The following KLRK1 variants were observed in gnomAD, a reference collection of about 807,000 sequenced individuals.
The protein encoded by KLRK1 is killer cell lectin like receptor K1.
A neutral mutation model predicts 31.3 loss-of-function variants in KLRK1; 40 were observed. The ratio of observed to expected loss-of-function variants is 1.28; its 90% CI spans 0.99 to 1.67. The LOEUF is 1.67. KLRK1 is among the 40% of genes most tolerant of loss of function. The pLI is 0.00. For missense variants in KLRK1, 251 were observed against 260.0 expected, an observed-to-expected ratio of 0.97 and a Z score of 0.24; for synonymous variants, 77 against 77.3, an observed-to-expected ratio of 1.00 and a Z score of 0.02.
chr12:10,387,236 C>T (rs1863183132), intron 2 of KLRK1, among the ~76,000 whole-genome samples: 1 of 152,098 alleles, frequency 6.6e-6, no homozygotes, highest in Admixed American at 6.6e-5. Context: ...TTAGCAAAAT[C>T]CTATATACTA....
At chr12:10,378,831 T>A in intron 5 of KLRK1, 126 bp from the exon 6 acceptor site, 1 of 1,150,922 alleles carries the variant, frequency 8.7e-7, no homozygotes, top group Non-Finnish European at 1.2e-6. Flanking sequence ...ATTACAGTCA[T>A]AACCAAAGGC....
chr12:10,375,219 A>G (rs1461834211), intron 7 of KLRK1, among the ~76,000 whole-genome samples: 1 of 152,222 alleles, frequency 6.6e-6, no homozygotes, highest in Non-Finnish European at 1.5e-5. Context: ...TGCATTGATC[A>G]TTGCCAATTA....
intron 3 of KLRK1, among the ~76,000 whole-genome samples, chr12:10,384,703 A>T (rs1414729560): frequency 6.6e-6 from 1 of 152,100 alleles, no homozygotes; most frequent in Non-Finnish European, 1.5e-5. Context: ...TTTTATGGGT[A>T]AGAATTCAAA....
chr12:10,380,905 A>G (rs1229656608), intron 3 of KLRK1, among the ~76,000 whole-genome samples: 1 of 152,096 alleles, frequency 6.6e-6, no homozygotes, highest in Non-Finnish European at 1.5e-5. Flanking sequence ...GGGGCCTAAT[A>G]GTTCCTTTAT....
intron 7 of KLRK1, among the ~76,000 whole-genome samples, chr12:10,373,617 T>A (rs1032864687): frequency 1.3e-5 from 2 of 152,254 alleles, no homozygotes; most frequent in Non-Finnish European, 2.9e-5. Context: ...TTCAGATATA[T>A]GCAATTTTAC....
intron 3 of KLRK1, among the ~76,000 whole-genome samples, chr12:10,383,465 T>A (rs2137815359): frequency 6.6e-6 from 1 of 152,156 alleles, no homozygotes; most frequent in Non-Finnish European, 1.5e-5. Flanking sequence ...TTTATAAGTA[T>A]ACATATGCAC....
chr12:10,386,703 A>G (rs1863172688), intron 3 of KLRK1, among the ~76,000 whole-genome samples, 200 bp downstream of exon 3: 1 of 151,804 alleles, frequency 6.6e-6, no homozygotes, highest in Non-Finnish European at 1.5e-5. Context: ...ATCATTTTTT[A>G]GGGCGTGACA....
At position 10,383,167 on chromosome 12, in the gene KLRK1, T is replaced by C. The variant is rs527387317; in HGVS notation, c.149-3375A>G. 1.7e-4 allele frequency among the ~76,000 whole-genome samples: 26 copies of C among 152,106 alleles called. 1 individual carries two copies. Among genetic ancestry groups the C allele is most frequent in the Middle Eastern group, 3.4e-3 (1 of 294 alleles). On this transcript the variant is annotated intron_variant, in intron 3 of 7. Transcript: ENST00000240618. ...CTTACATACCAATAATAATATTAAATGCAAGGGGGCTAAATTCTCCAAGTA... is the reference window on the plus strand; with the variant it reads ...CTTACATACCAATAATAATATTAAACGCAAGGGGGCTAAATTCTCCAAGTA...
At chr12:10,379,925 C>T (rs1863039257) in intron 3 of KLRK1, 133 bp from the exon 4 acceptor site, 2 of 727,486 alleles carry the variant, frequency 2.7e-6, no homozygotes, top group Non-Finnish European at 4.1e-6. Context: ...ATAATTTTTT[C>T]CAGAACAGAA....
intron 3 of KLRK1, among the ~76,000 whole-genome samples, chr12:10,382,363 A>T (rs993948352): frequency 2.0e-5 from 3 of 152,228 alleles, no homozygotes; most frequent in Non-Finnish European, 4.4e-5. Context: ...AAAGCAAAAT[A>T]AATATAAAGA....
rs1863036010 is a variant in KLRK1 at position 10,379,789 on chromosome 12, G to T, written c.152C>A (p.Ser51Tyr). 1 of 1,610,410 alleles carries T rather than the reference G, an allele frequency of 6.2e-7. No homozygotes were observed. Among genetic ancestry groups the T allele is most frequent in the Non-Finnish European group, 8.5e-7 (1 of 1,178,430 alleles). ...GATGAAGCAGCAGAAAAAAAATGGA[G>T]ATGCTGTCAAAGAAAAAAGACACAG... ...VVKSKCRENA[S>Y]PFFFCCFIAV... Residue 51 changes from serine to tyrosine, a missense_variant, in exon 4 of 8, where the codon TCT becomes TAT. Physicochemically the swap from Ser to Tyr is moderately radical, Grantham distance 144. Coordinates refer to ENST00000240618, the MANE Select transcript of KLRK1 (RefSeq NM_007360.4).
chr12:10,378,913 G>C, intron 5 of KLRK1: 1 of 474,684 alleles, frequency 2.1e-6, no homozygotes, highest in South Asian at 4.1e-5. Flanking sequence ...TAGCACTTTG[G>C]GAGGCCAAGG....
intron 3 of KLRK1, among the ~76,000 whole-genome samples, chr12:10,383,232 A>C (rs953035667): frequency 6.6e-6 from 1 of 152,102 alleles, no homozygotes; most frequent in African/African-American, 2.4e-5. Flanking sequence ...AACAAAAAAA[A>C]CCAAACAATA....
intron 5 of KLRK1, 65 bp from the exon 6 acceptor site, chr12:10,378,770 C>T: frequency 6.7e-7 from 1 of 1,500,538 alleles, no homozygotes; most frequent in Admixed American, 2.3e-5. Context: ...TTTGTCTAGA[C>T]AAATTAAATG....
intron 3 of KLRK1, among the ~76,000 whole-genome samples, chr12:10,380,097 G>T (rs1471179009): frequency 8.8e-6 from 1 of 113,936 alleles, no homozygotes; most frequent in Non-Finnish European, 1.6e-5. Context: ...ACGGAGTCTC[G>T]CTCTGTCGCC....
At chr12:10,375,141 G>A (rs1388552341) in intron 7 of KLRK1, among the ~76,000 whole-genome samples, 1 of 152,250 alleles carries the variant, frequency 6.6e-6, no homozygotes, top group East Asian at 1.9e-4. Flanking sequence ...AAGGAAGGAA[G>A]GTAGGGAGTT....
In KLRK1 at chr12:10,378,176, AT is replaced by A. The variant is rs1591580591; in HGVS notation, c.488del (p.Asn163MetfsTer17). ...HWMGLVHIPT[N>X]GSWQWEDGSI... is the part of the protein sequence containing the mutation. ...AGCCATCTTCCCACTGCCAAGATCC[AT>A]TTGTTGGAATGTGTACTAGTCCCAT... On this transcript the variant is annotated frameshift_variant, in exon 7 of 8. Transcript: ENST00000240618. LOFTEE classifies it high-confidence loss of function. The A allele has an allele frequency of 2.5e-6, 4 of 1,614,160 alleles. No individual in the cohort carries two copies. The highest frequency in any genetic ancestry group is 3.4e-6 in the Non-Finnish European group (4 of 1,179,994).
intron 4 of KLRK1, 46 bp from the exon 5 acceptor site, chr12:10,379,528 T>A (rs1565492419): frequency 7.3e-7 from 1 of 1,360,886 alleles, no homozygotes. Context: ...TGTTAGTAAC[T>A]TATAGTATAA....
At chr12:10,378,412 AT>A in intron 6 of KLRK1, 141 bp downstream of exon 6, 1 of 1,421,248 alleles carries the variant, frequency 7.0e-7, no homozygotes, top group Non-Finnish European at 9.5e-7. Context: ...GTGCTTTGTT[AT>A]TTTCAATGAA....
Sources: allele counts gnomAD v4.1 joint callset (sites outside exome capture counted in the v4.1 genomes callset), GRCh38; gene constraint gnomAD v4.1.1; transcripts MANE v1.5; gene names NCBI Gene and HGNC (gene_info 2026-07-23, HGNC 2026-07-21).